MEAK7: variants seen among roughly 807,000 people sequenced by gnomAD.
MEAK7 encodes the protein MTOR-associated protein MEAK7.
Under a neutral mutation model 40.5 loss-of-function variants are expected in MEAK7, and 68 were observed. The ratio of observed to expected loss-of-function variants is 1.68; its 90% CI spans 1.38 to 2.06. The LOEUF is 2.06. Ranked by LOEUF, MEAK7 falls within the 30% of genes most tolerant of loss-of-function variation. The probability of loss-of-function intolerance (pLI) is 0.00; values close to 1 mark genes in which losing one functional copy is unlikely to be tolerated. For synonymous variants in MEAK7, 338 were observed against 231.9 expected, an observed-to-expected ratio of 1.46 and a Z score of -4.16; for missense variants, 918 against 580.5, an observed-to-expected ratio of 1.58 and a Z score of -5.98.
At chr16:84,497,506 C>A in intron 2 of MEAK7, 2 of 1,290,344 alleles carry the variant, frequency 1.5e-6, no homozygotes, top group South Asian at 1.2e-5. Context: ...CGTCTGTCTC[C>A]CCATCTCTGG....
At chr16:84,493,987 A>T (rs1044746286) in intron 3 of MEAK7, among the ~76,000 whole-genome samples, 2 of 152,202 alleles carry the variant, frequency 1.3e-5, no homozygotes, top group Non-Finnish European at 2.9e-5. Flanking sequence ...GGGTATCTAC[A>T]GGCACAGATA....
chr16:84,489,459 A>G (rs1405954142), intron 3 of MEAK7, 37 bp from the exon 4 acceptor site: 2 of 1,575,628 alleles, frequency 1.3e-6, no homozygotes, highest in Non-Finnish European at 1.7e-6. Context: ...AAACAGTTCC[A>G]CCATATCCTG....
chr16:84,493,467 G>A (rs575670908), intron 3 of MEAK7, among the ~76,000 whole-genome samples: 10 of 152,188 alleles, frequency 6.6e-5, no homozygotes, highest in African/African-American at 1.7e-4. Context: ...AGTTAATTGC[G>A]TGGACCGAAC....
intron 6 of MEAK7, among the ~76,000 whole-genome samples, chr16:84,481,175 G>A (rs1407494532): frequency 6.6e-6 from 1 of 152,230 alleles, no homozygotes; most frequent in Non-Finnish European, 1.5e-5. Context: ...AGCTCCGAGT[G>A]TGTGGCTTAC....
rs35489449 is a variant in MEAK7, at chr16:84,490,654, ATGTGTG to A, written c.385-1238_385-1233del. The stretch of plus-strand genomic sequence containing the variant: ...TCAGCTTAATTAAAAGCTAATCAAG[ATGTGTG>A]TGTGTGTGTGTGTGTGTGTGTGTGT... On this transcript the variant is annotated intron_variant, in intron 3 of 7. Coordinates refer to ENST00000343629, the MANE Select transcript of MEAK7 (RefSeq NM_020947.4). Among the ~76,000 whole-genome samples, 509 of 137,614 alleles carry A rather than the reference ATGTGTG, an allele frequency of 3.7e-3. 7 individuals are homozygous for A. The highest frequency in any genetic ancestry group is 0.01 in the African/African-American group (369 of 36,132). The allele number at this position is 137,614 out of a possible 152,430, so 90.3% of individuals were successfully genotyped here. A position where few individuals can be genotyped will look rare whatever the true frequency, so the allele number is the denominator to read the frequency against.
chr16:84,489,194 C>G, intron 4 of MEAK7, 84 bp downstream of exon 4: 1 of 1,482,664 alleles, frequency 6.7e-7, no homozygotes, highest in Non-Finnish European at 9.0e-7. Flanking sequence ...GGTTTCAAAG[C>G]TTTACTACAC....
At chr16:84,483,784 G>A (rs1372518024) in intron 5 of MEAK7, among the ~76,000 whole-genome samples, 1 of 152,216 alleles carries the variant, frequency 6.6e-6, no homozygotes, top group Non-Finnish European at 1.5e-5. Flanking sequence ...AACAGAGCTG[G>A]CTGGGGCAAG....
intron 3 of MEAK7, among the ~76,000 whole-genome samples, chr16:84,492,269 T>A (rs544863960): frequency 6.6e-6 from 1 of 152,190 alleles, no homozygotes; most frequent in African/African-American, 2.4e-5. Context: ...AACAAGGTTT[T>A]CTTGGAGCAT....
At chr16:84,487,120 A>G in intron 4 of MEAK7, 61 bp from the exon 5 acceptor site, 2 of 1,516,784 alleles carry the variant, frequency 1.3e-6, no homozygotes, top group Non-Finnish European at 1.8e-6. Flanking sequence ...GCTACTATCT[A>G]AACCCACACT....
chr16:84,481,320 G>A (rs979006557), intron 6 of MEAK7, among the ~76,000 whole-genome samples: 8 of 152,146 alleles, frequency 5.3e-5, no homozygotes, highest in African/African-American at 1.9e-4. Context: ...TGTAACACCT[G>A]GCACGCCCTA....
chr16:84,477,471 G>C lies in MEAK7; in HGVS notation c.*2442C>G, dbSNP rs892586168. 1 of 152,056 alleles carries C rather than the reference G, an allele frequency of 6.6e-6. No individual in the cohort carries two copies. The highest frequency in any genetic ancestry group is 2.4e-5 in the African/African-American group (1 of 41,378). 9.4% of individuals were successfully genotyped at this position (152,056 alleles called of 1,614,324 possible). A position where few individuals can be genotyped will look rare whatever the true frequency, so the allele number is the denominator to read the frequency against. On this transcript the variant is annotated 3_prime_UTR_variant, in exon 8 of 8. Coordinates refer to ENST00000343629, the MANE Select transcript of MEAK7 (RefSeq NM_020947.4). ...CTCCCAAAGTGCTGGGATTACAGGC[G>C]TGAGCCACCGCACCCGGCCCCAGAC...
At chr16:84,486,353 G>C in intron 5 of MEAK7, 1 of 935,040 alleles carries the variant, frequency 1.1e-6, no homozygotes, top group South Asian at 3.2e-5. Context: ...GGAGGCATCT[G>C]TGGCTTGACT....
chr16:84,480,855 C>A (rs1335682426), intron 6 of MEAK7, 147 bp from the exon 7 acceptor site: 2 of 890,070 alleles, frequency 2.2e-6, no homozygotes, highest in African/African-American at 3.5e-5. Flanking sequence ...TTTTCCTTAA[C>A]TGTGAAATAT....
At chr16:84,490,682 G>GTGTA (rs1215775878) in intron 3 of MEAK7, among the ~76,000 whole-genome samples, 1 of 150,684 alleles carries the variant, frequency 6.6e-6, no homozygotes, top group Non-Finnish European at 1.5e-5. Context: ...GTGTGTGTGT[G>GTGTA]TGTGTGTGTG....
At chr16:84,487,178 A>C in intron 4 of MEAK7, 119 bp from the exon 5 acceptor site, 13 of 936,504 alleles carry the variant, frequency 1.4e-5, no homozygotes, top group South Asian at 1.8e-5. Flanking sequence ...AGCACAGAAA[A>C]CAGGGCTCGT....
At chr16:84,499,172 T>C (rs953108911) in intron 1 of MEAK7, among the ~76,000 whole-genome samples, 2 of 152,118 alleles carry the variant, frequency 1.3e-5, no homozygotes, top group Non-Finnish European at 2.9e-5. Flanking sequence ...AACCTCATTA[T>C]AGGAAAAGAC....
intron 3 of MEAK7, 25 bp from the exon 4 acceptor site, chr16:84,489,447 A>G (rs1158269087): frequency 3.1e-6 from 5 of 1,590,270 alleles, no homozygotes; most frequent in Non-Finnish European, 4.3e-6. Flanking sequence ...TTTTACCATT[A>G]AAAACAGTTC....
chr16:84,481,532 C>G (rs1912543658), intron 6 of MEAK7, among the ~76,000 whole-genome samples: 1 of 152,226 alleles, frequency 6.6e-6, no homozygotes, highest in African/African-American at 2.4e-5. Context: ...GCCCCTCCCT[C>G]TCTCCAGGGC....
rs979291354 is a variant in MEAK7, at chr16:84,486,973, C to A, written c.616G>T (p.Val206Leu). 6.2e-7 allele frequency: 1 copy of A among 1,614,160 alleles called. No homozygotes were observed. The highest frequency in any genetic ancestry group is 2.2e-5 in the East Asian group (1 of 44,870). The change falls in exon 5 of 8, where the codon GTG becomes TTG. Residue 206 changes from valine to leucine, a missense_variant. By Grantham distance (32) the Val-to-Leu change is conservative (BLOSUM62 1). Coordinates refer to ENST00000343629, the MANE Select transcript of MEAK7 (RefSeq NM_020947.4). ...IEDWVFRVPHVAIFLSVVICK... is the reference protein window; with the variant it reads ...IEDWVFRVPHLAIFLSVVICK... ...ATGACCACACTCAGGAATATGGCCA[C>A]ATGGGGGACCCTGAACACCCAGTCC...
Sources: gnomAD v4.1 joint callset for allele counts (sites outside exome capture counted in the v4.1 genomes callset) on GRCh38, gnomAD v4.1.1 for gene constraint, MANE v1.5 for transcripts, NCBI Gene and HGNC (gene_info 2026-07-23, HGNC 2026-07-21) for gene names.